The following INPP5A variants were observed in gnomAD, a reference collection of about 807,000 sequenced individuals.
The protein encoded by INPP5A is 43 kDa inositol polyphosphate 5-phophatase.
In INPP5A, 14 loss-of-function variants were observed where a neutral mutation model predicts 65.2. The ratio of observed to expected loss-of-function variants is 0.21; its 90% CI spans 0.14 to 0.34. The LOEUF (loss-of-function observed/expected upper bound fraction) is 0.34. Among genes scored for constraint, INPP5A ranks in the 10% least tolerant of loss-of-function variants. The probability of loss-of-function intolerance (pLI) is 1.00; values close to 1 mark genes in which losing one functional copy is unlikely to be tolerated. For synonymous variants in INPP5A, 207 were observed against 208.3 expected, an observed-to-expected ratio of 0.99 and a Z score of 0.05; for missense variants, 431 against 545.6, an observed-to-expected ratio of 0.79 and a Z score of 2.09.
rs2070870799 is a variant in INPP5A at position 132,538,540 on chromosome 10, C to G, written c.75+369C>G. Reference sequence around the variant, plus strand: ...ACCCCTGTTAACAGTTCCTGGAACCCAAACCCCAGAAACCGGGTCTGTGCG... The same window carrying G: ...ACCCCTGTTAACAGTTCCTGGAACCGAAACCCCAGAAACCGGGTCTGTGCG... On this transcript the variant is annotated intron_variant, in intron 1 of 15. Coordinates refer to ENST00000368594, the MANE Select transcript of INPP5A (RefSeq NM_005539.5). The surrounding 1 kb of genome is among the most constrained non-coding windows in gnomAD (Gnocchi z 4.1). Among the ~76,000 whole-genome samples, 3 of 152,162 alleles carry G rather than the reference C, an allele frequency of 2.0e-5. No individual in the cohort carries two copies. Among genetic ancestry groups the G allele is most frequent in the Non-Finnish European group, 4.4e-5 (3 of 68,030 alleles).
chr10:132,559,302 G>T (rs887399541), intron 1 of INPP5A, among the ~76,000 whole-genome samples: 19 of 152,212 alleles, frequency 1.2e-4, no homozygotes, highest in Non-Finnish European at 7.3e-5. Context: ...TGGGGGGTTA[G>T]TCCTGTCATT....
At chr10:132,751,230 C>T (rs923014593) in intron 11 of INPP5A, among the ~76,000 whole-genome samples, 4 of 152,252 alleles carry the variant, frequency 2.6e-5, no homozygotes, top group Non-Finnish European at 5.9e-5. Flanking sequence ...CTCCGTGGTG[C>T]CTGGGCCTCC....
chr10:132,756,407 TGTGTGTGTGC>T (rs1326768372), intron 11 of INPP5A, among the ~76,000 whole-genome samples: 1 of 152,084 alleles, frequency 6.6e-6, no homozygotes, highest in Non-Finnish European at 1.5e-5. Context: ...TGTATGCACT[TGTGTGTGTGC>T]GTGTGTGTAT....
At chr10:132,673,612 C>T (rs1262605336) in intron 4 of INPP5A, among the ~76,000 whole-genome samples, 1 of 152,244 alleles carries the variant, frequency 6.6e-6, no homozygotes, top group African/African-American at 2.4e-5. Context: ...CCCTGCCACA[C>T]TTCTTTAGCC....
intron 4 of INPP5A, among the ~76,000 whole-genome samples, chr10:132,689,000 CCT>C (rs1235350568): frequency 1.3e-5 from 2 of 151,922 alleles, no homozygotes; most frequent in Non-Finnish European, 2.9e-5. Context: ...TGTGTGAGTG[CCT>C]GTGAGTGCTT....
chr10:132,765,758 C>T lies in INPP5A; in HGVS notation c.904-15C>T, dbSNP rs764159353. On this transcript the variant is annotated splice_polypyrimidine_tract_variant and intron_variant, in intron 11 of 15. Transcript: ENST00000368594. ...AACCAATGTGACTTTATTTTCTGCT[C>T]TTTCTTTTCTTTAGCTCTTGGAGTT... The T allele has an allele frequency of 1.5e-5, 23 of 1,558,212 alleles. No homozygotes were observed. In the Admixed American group the frequency reaches 3.8e-4, roughly 26 times the overall value.
chr10:132,653,421 A>T (rs950824576), intron 4 of INPP5A, among the ~76,000 whole-genome samples: 1 of 151,780 alleles, frequency 6.6e-6, no homozygotes, highest in African/African-American at 2.4e-5. Context: ...TGGCGTGCGT[A>T]TCTGGGCATC....
chr10:132,584,085 G>GAACA (rs372417778), intron 1 of INPP5A, among the ~76,000 whole-genome samples: 33 of 152,302 alleles, frequency 2.2e-4, no homozygotes, highest in African/African-American at 4.1e-4. Context: ...TGCGTCTCCA[G>GAACA]AACAAACAAA....
intron 11 of INPP5A, among the ~76,000 whole-genome samples, chr10:132,754,754 G>T (rs1025184112): frequency 2.0e-5 from 3 of 152,206 alleles, no homozygotes; most frequent in Admixed American, 6.5e-5. Context: ...GAAGGAGGGG[G>T]CCCCCAGCCA....
intron 2 of INPP5A, among the ~76,000 whole-genome samples, chr10:132,618,068 G>A (rs75491709): frequency 0.015 from 2,310 of 152,336 alleles, 33 homozygotes; most frequent in South Asian, 0.039. Context: ...TTGTGGGAAT[G>A]AGGATAAATT....
Position 132,595,710 on chromosome 10 carries a change from C to T in INPP5A, c.76-12205C>T, listed in dbSNP as rs141782850. The stretch of plus-strand genomic sequence containing the variant: ...CCTCCCTCTTCTTTCCTTCCGTGGA[C>T]GCCCTGTGTAACTTTCTTTATTGAG... On this transcript the variant is annotated intron_variant, in intron 1 of 15. Coordinates refer to ENST00000368594, the MANE Select transcript of INPP5A (RefSeq NM_005539.5). 3.9e-5 allele frequency among the ~76,000 whole-genome samples: 6 copies of T among 152,308 alleles called. No individual in the cohort carries two copies. The East Asian group carries it at 9.7e-4, about 25-fold the overall frequency.
chr10:132,725,946 G>C (rs1165316932), intron 8 of INPP5A, among the ~76,000 whole-genome samples: 1 of 152,000 alleles, frequency 6.6e-6, no homozygotes, highest in Non-Finnish European at 1.5e-5. Flanking sequence ...ACGTTGCAAG[G>C]GTTCTCGTGT....
intron 11 of INPP5A, among the ~76,000 whole-genome samples, chr10:132,752,374 G>A (rs1001692589): frequency 4.0e-5 from 6 of 151,430 alleles, no homozygotes; most frequent in Non-Finnish European, 7.4e-5. Flanking sequence ...GTAGGGTGGT[G>A]GCAGGGGACA....
Position 132,650,432 on chromosome 10 carries a change from G to T in INPP5A, c.233G>T (p.Ser78Ile), listed in dbSNP as rs766031019. 2.7e-5 allele frequency: 43 copies of T among 1,613,520 alleles called. No individual in the cohort carries two copies. The highest frequency in any genetic ancestry group is 3.6e-5 in the Non-Finnish European group (43 of 1,179,446). ...VDKFVKELLSSDAMKEYNRAR... is the reference protein window; with the variant it reads ...VDKFVKELLSIDAMKEYNRAR... ...CTTCCTTCCAGAGAACTATTGTCGAGTGATGCGATGAAAGAATATAACAGG... is the reference window on the plus strand; with the variant it reads ...CTTCCTTCCAGAGAACTATTGTCGATTGATGCGATGAAAGAATATAACAGG... Residue 78 changes from serine (S) to isoleucine (I), a missense_variant, in exon 4 of 16, where the codon AGT becomes ATT. Transcript: ENST00000368594. This position sits in a 1 kb window ranked among gnomAD's most constrained non-coding sequence, Gnocchi z 5.5.
chr10:132,588,580 C>T (rs2071576205), intron 1 of INPP5A, among the ~76,000 whole-genome samples: 1 of 152,260 alleles, frequency 6.6e-6, no homozygotes, highest in African/African-American at 2.4e-5. Flanking sequence ...GAATCAGCAG[C>T]ACGGCCCTGG....
At chr10:132,632,515 G>T (rs1024765697) in intron 2 of INPP5A, among the ~76,000 whole-genome samples, 1 of 152,202 alleles carries the variant, frequency 6.6e-6, no homozygotes, top group African/African-American at 2.4e-5. Context: ...CTGAGAGGCA[G>T]GAACCAGGCC....
At chr10:132,614,106 G>A (rs1459212292) in intron 2 of INPP5A, among the ~76,000 whole-genome samples, 5 of 152,232 alleles carry the variant, frequency 3.3e-5, no homozygotes, top group African/African-American at 4.8e-5. Context: ...CACGGCTTTC[G>A]AAGATTAGGT....
intron 11 of INPP5A, among the ~76,000 whole-genome samples, chr10:132,753,000 T>G (rs1047624628): frequency 4.6e-5 from 7 of 152,058 alleles, no homozygotes; most frequent in Admixed American, 4.6e-4. Context: ...GGGAGTCCCA[T>G]GTGGAAAGGC....
rs138049133 is a variant in INPP5A at position 132,734,087 on chromosome 10, C to G, written c.732+7182C>G. ...GTGAACCGGGGCTGCGCAGGTACCT[C>G]TGGTCGGGATTCAGGCTCGGTCCAC... On this transcript the variant is annotated intron_variant, in intron 9 of 15. Coordinates refer to ENST00000368594, the MANE Select transcript of INPP5A (RefSeq NM_005539.5). Among the ~76,000 whole-genome samples the G allele has an allele frequency of 2.8e-3, 422 of 152,368 alleles. 6 individuals are homozygous for G. Among genetic ancestry groups the G allele is most frequent in the African/African-American group, 8.6e-3 (357 of 41,588 alleles).
Sources: allele counts gnomAD v4.1 joint callset (sites outside exome capture counted in the v4.1 genomes callset), GRCh38; gene constraint gnomAD v4.1.1; non-coding constraint Gnocchi (gnomAD v3.1); transcripts MANE v1.5; gene names NCBI Gene and HGNC (gene_info 2026-07-23, HGNC 2026-07-21).